The following LHFPL3 variants were observed in gnomAD, a reference collection of about 807,000 sequenced individuals.
LHFPL3 encodes LHFPL tetraspan subfamily member 3, also known as LHFPL tetraspan subfamily member 3 protein.
Under a neutral mutation model 19.3 loss-of-function variants are expected in LHFPL3, and 5 were observed. The ratio of observed to expected loss-of-function variants is 0.26; its 90% confidence interval spans 0.14 to 0.54. LHFPL3 has a LOEUF of 0.54. Among genes scored for constraint, LHFPL3 ranks in the 20% least tolerant of loss-of-function variants. The pLI, the probability that LHFPL3 is intolerant of heterozygous loss-of-function variation, is 0.94. For missense variants in LHFPL3, 249 were observed against 307.4 expected (o/e 0.81, Z 1.42); for synonymous variants, 133 against 126.2 (o/e 1.05, Z -0.36).
At chr7:104,663,350 C>A (rs577456081) in intron 1 of LHFPL3, among the ~76,000 whole-genome samples, 14 of 152,336 alleles carry the variant, frequency 9.2e-5, no homozygotes, top group Admixed American at 7.2e-4. Flanking sequence ...TTTTCCTCAA[C>A]ATCTTTGTGC....
intron 2 of LHFPL3, among the ~76,000 whole-genome samples, chr7:104,881,686 C>A (rs1365137579): frequency 6.6e-6 from 1 of 152,202 alleles, no homozygotes; most frequent in Admixed American, 6.5e-5. Context: ...GTTGATAAAG[C>A]AGCAGCAGGG....
At chr7:104,656,899 C>G (rs1292716994) in intron 1 of LHFPL3, among the ~76,000 whole-genome samples, 2 of 152,200 alleles carry the variant, frequency 1.3e-5, no homozygotes, top group African/African-American at 4.8e-5. Flanking sequence ...ATAGCACTTT[C>G]CTTTGGAATC....
chr7:104,748,837 T>C (rs1794100290), intron 2 of LHFPL3, among the ~76,000 whole-genome samples: 1 of 152,226 alleles, frequency 6.6e-6, no homozygotes, highest in Non-Finnish European at 1.5e-5. Context: ...AAGTCTCTCG[T>C]TCTACCTTAC....
At chr7:104,645,912 G>A (rs960495378) in intron 1 of LHFPL3, among the ~76,000 whole-genome samples, 6 of 152,076 alleles carry the variant, frequency 3.9e-5, no homozygotes, top group South Asian at 2.1e-4. Flanking sequence ...TGCCCGCCTC[G>A]GCCTCCCAAA....
At chr7:104,482,088 A>T (rs1039291857) in intron 1 of LHFPL3, among the ~76,000 whole-genome samples, 4 of 152,094 alleles carry the variant, frequency 2.6e-5, no homozygotes, top group African/African-American at 4.8e-5. Context: ...CTGGCAGCTG[A>T]TTGATACAGA....
intron 1 of LHFPL3, among the ~76,000 whole-genome samples, chr7:104,698,947 A>T (rs1214152172): frequency 6.6e-6 from 1 of 152,250 alleles, no homozygotes; most frequent in Non-Finnish European, 1.5e-5. Context: ...ATTTTCAACA[A>T]CACTAGTCAA....
At chr7:104,374,874 A>G (rs1400748226) in intron 1 of LHFPL3, among the ~76,000 whole-genome samples, 1 of 152,172 alleles carries the variant, frequency 6.6e-6, no homozygotes, top group Non-Finnish European at 1.5e-5. Context: ...CAAGCATGGA[A>G]TTATTATTTT....
intron 2 of LHFPL3, among the ~76,000 whole-genome samples, chr7:104,887,582 G>A (rs1297014910): frequency 6.6e-6 from 1 of 152,200 alleles, no homozygotes; most frequent in Non-Finnish European, 1.5e-5. Context: ...TGGGTAAGCA[G>A]AGAGGACCCT....
At chr7:104,436,318 C>A (rs1003605953) in intron 1 of LHFPL3, among the ~76,000 whole-genome samples, 1 of 152,088 alleles carries the variant, frequency 6.6e-6, no homozygotes, top group Non-Finnish European at 1.5e-5. Flanking sequence ...CTCATTTAAT[C>A]CTCACAACAA....
chr7:104,604,103 C>G (rs959417912), intron 1 of LHFPL3, among the ~76,000 whole-genome samples: 1 of 152,216 alleles, frequency 6.6e-6, no homozygotes, highest in Non-Finnish European at 1.5e-5. Context: ...GCCTTGGCCC[C>G]CAGGCTTTCC....
chr7:104,777,777 C>T (rs572561333), intron 2 of LHFPL3, among the ~76,000 whole-genome samples: 12 of 151,736 alleles, frequency 7.9e-5, no homozygotes, highest in Non-Finnish European at 1.5e-4. Context: ...CCTTCGTTCC[C>T]TTTCTGAGTG....
intron 1 of LHFPL3, among the ~76,000 whole-genome samples, chr7:104,351,038 T>TAAAA (rs35688007): frequency 4.3e-5 from 5 of 116,268 alleles, no homozygotes; most frequent in African/African-American, 1.7e-4. Flanking sequence ...AGACTCCCTC[T>TAAAA]AAAAAAAAAA....
chr7:104,453,307 G>A (rs370061744), intron 1 of LHFPL3, among the ~76,000 whole-genome samples: 3 of 151,368 alleles, frequency 2.0e-5, no homozygotes, highest in African/African-American at 4.9e-5. Context: ...GGGAGATGGC[G>A]GGAAACTACT....
intron 2 of LHFPL3, among the ~76,000 whole-genome samples, chr7:104,817,153 T>C (rs1029176855): frequency 2.0e-5 from 3 of 152,240 alleles, no homozygotes; most frequent in African/African-American, 7.2e-5. Context: ...TTGCTATTTA[T>C]CTTTGCTCAG....
rs531275688 is a variant in LHFPL3, at chr7:104,563,606, C to T, written c.446-173069C>T. ...CTGGCACTCCCTAGTGAGAAGAACC[C>T]GGTACCTCAGATGGAAATGCAGAAA... On this transcript the variant is annotated intron_variant, in intron 1 of 2. Coordinates refer to ENST00000424859, the MANE Select transcript of LHFPL3 (RefSeq NM_199000.3). Among the ~76,000 whole-genome samples, 45 of 152,286 alleles carry T rather than the reference C, an allele frequency of 3.0e-4. No homozygotes were observed. In the South Asian group the frequency reaches 6.6e-3, roughly 22 times the overall value.
intron 1 of LHFPL3, among the ~76,000 whole-genome samples, chr7:104,687,410 A>C (rs1792826900): frequency 6.6e-6 from 1 of 152,192 alleles, no homozygotes; most frequent in African/African-American, 2.4e-5. Flanking sequence ...TGAATTGATT[A>C]AATCATTAGC....
intron 1 of LHFPL3, among the ~76,000 whole-genome samples, chr7:104,512,613 A>T (rs761203743): frequency 6.6e-6 from 1 of 151,958 alleles, no homozygotes; most frequent in Admixed American, 6.6e-5. Context: ...ACAGAAGCTT[A>T]TAATCCCAGC....
chr7:104,514,564 G>C (rs770383554), intron 1 of LHFPL3, among the ~76,000 whole-genome samples: 6 of 152,304 alleles, frequency 3.9e-5, no homozygotes, highest in Middle Eastern at 3.4e-3. Flanking sequence ...AGCAGAGCTA[G>C]AAGATATAAA....
chr7:104,469,404 A>G (rs940561473), intron 1 of LHFPL3, among the ~76,000 whole-genome samples: 3 of 152,184 alleles, frequency 2.0e-5, no homozygotes, highest in Admixed American at 6.5e-5. Context: ...CCTGGTAGGC[A>G]TTAGTTGGGA....
Sources: gnomAD v4.1 joint callset for allele counts (sites outside exome capture counted in the v4.1 genomes callset) on GRCh38, gnomAD v4.1.1 for gene constraint, MANE v1.5 for transcripts, NCBI Gene and HGNC (gene_info 2026-07-23, HGNC 2026-07-21) for gene names.